The following MCM10 variants were observed in gnomAD, a reference collection of about 807,000 sequenced individuals.
MCM10 encodes the protein minichromosome maintenance 10 replication initiation factor, also known as protein MCM10 homolog.
A neutral mutation model predicts 109.9 loss-of-function variants in MCM10; 91 were observed. The ratio of observed to expected loss-of-function variants is 0.83; its 90% confidence interval spans 0.70 to 0.99. MCM10 has a LOEUF of 0.99. Among genes scored for constraint, MCM10 ranks in the 50% least tolerant of loss-of-function variants. The probability of loss-of-function intolerance (pLI) is 0.00; values close to 1 mark genes in which losing one functional copy is unlikely to be tolerated. For synonymous variants in MCM10, 380 were observed against 387.2 expected (o/e 0.98, Z 0.22); for missense variants, 1,077 against 1,061.2 (o/e 1.01, Z -0.21).
At chr10:13,192,696 A>C in intron 13 of MCM10, 128 bp downstream of exon 13, 1 of 792,792 alleles carries the variant, frequency 1.3e-6, no homozygotes, top group Non-Finnish European at 2.0e-6. Flanking sequence ...GAAAGTTTAA[A>C]ATAGTTTTCC....
chr10:13,209,329 TC>T lies in MCM10; in HGVS notation c.*22del. 1 of 1,592,476 alleles carries T rather than the reference TC, an allele frequency of 6.3e-7. No homozygotes were observed. The highest frequency in any genetic ancestry group is 8.6e-7 in the Non-Finnish European group (1 of 1,161,684). ...TAAATAACCCGAACTTCAGACATTTTCCCACAGACTTCCTGGCCTCCTGTGA... is the reference window on the plus strand; with the variant it reads ...TAAATAACCCGAACTTCAGACATTTTCCACAGACTTCCTGGCCTCCTGTGA... On this transcript the variant is annotated 3_prime_UTR_variant, in exon 20 of 20. Coordinates refer to ENST00000378714, the MANE Select transcript of MCM10 (RefSeq NM_018518.5).
At chr10:13,191,068 C>A (rs1834340956) in intron 10 of MCM10, among the ~76,000 whole-genome samples, 1 of 152,050 alleles carries the variant, frequency 6.6e-6, no homozygotes, top group South Asian at 2.1e-4. Flanking sequence ...GCCAAATTTC[C>A]TTCCAGAATG....
At chr10:13,206,576 T>G (rs1834583843) in intron 18 of MCM10, among the ~76,000 whole-genome samples, 1 of 152,194 alleles carries the variant, frequency 6.6e-6, no homozygotes, top group Non-Finnish European at 1.5e-5. Flanking sequence ...CAATCTAGAT[T>G]ATAATTTTTA....
intron 1 of MCM10, among the ~76,000 whole-genome samples, chr10:13,163,592 A>AGTGT (rs60683966): frequency 0.21 from 31,266 of 152,138 alleles, 3,406 homozygotes; most frequent in South Asian, 0.26. Context: ...ACCTAAGTAG[A>AGTGT]ATCATACAGT....
rs1834218856 is a variant in MCM10, at chr10:13,182,292, A to C, written c.931-641A>C. On this transcript the variant is annotated intron_variant, in intron 7 of 19. Coordinates refer to ENST00000378714, the MANE Select transcript of MCM10 (RefSeq NM_018518.5). The surrounding 1 kb of genome is among the most constrained non-coding windows in gnomAD (Gnocchi z 4.2). ...AATTCATGACCAGTCTGGGCAACAT[A>C]GTGAGACCTCATCTCTATGAAAAGA... Among the ~76,000 whole-genome samples the C allele has an allele frequency of 6.6e-6, 1 of 151,932 alleles. No homozygotes were observed. The highest frequency in any genetic ancestry group is 1.5e-5 in the Non-Finnish European group (1 of 67,992).
intron 9 of MCM10, among the ~76,000 whole-genome samples, chr10:13,187,671 ACTT>A (rs1188019339): frequency 6.6e-6 from 1 of 152,156 alleles, no homozygotes; most frequent in Non-Finnish European, 1.5e-5. Context: ...GTGAAGAGGT[ACTT>A]CTTAGAGTTC....
chr10:13,183,710 A>G (rs1356264329), intron 8 of MCM10, among the ~76,000 whole-genome samples: 1 of 150,644 alleles, frequency 6.6e-6, no homozygotes, highest in African/African-American at 2.4e-5. Flanking sequence ...TTTGAAAGTG[A>G]GTCTTGCTCT....
At chr10:13,191,451 C>T (rs746428069) in intron 11 of MCM10, 52 bp downstream of exon 11, 3 of 1,463,808 alleles carry the variant, frequency 2.0e-6, no homozygotes, top group Non-Finnish European at 2.9e-6. Flanking sequence ...ATTATGCAGC[C>T]TTAGGGATAA....
At chr10:13,206,198 C>T (rs773725241) in intron 18 of MCM10, among the ~76,000 whole-genome samples, 77 of 152,154 alleles carry the variant, frequency 5.1e-4, no homozygotes, top group Non-Finnish European at 8.1e-4. Flanking sequence ...GTTTCTCACT[C>T]GGCTCTGTGT....
intron 2 of MCM10, among the ~76,000 whole-genome samples, chr10:13,168,362 T>C (rs939928593): frequency 7.9e-5 from 12 of 152,248 alleles, no homozygotes; most frequent in African/African-American, 1.2e-4. Context: ...GTTTGGCTAC[T>C]GGCTTTTTCC....
chr10:13,170,807 C>A, intron 2 of MCM10, 115 bp from the exon 3 acceptor site: 1 of 773,752 alleles, frequency 1.3e-6, no homozygotes, highest in Admixed American at 2.7e-5. Flanking sequence ...AGGTAATGAG[C>A]ATTGTACCCA....
chr10:13,172,506 C>A lies in MCM10; in HGVS notation c.454+26C>A, dbSNP rs138488957. The A allele has an allele frequency of 6.9e-6, 11 of 1,605,722 alleles. No individual in the cohort carries two copies. In the Admixed American group the frequency reaches 8.4e-5, roughly 12 times the overall value. On this transcript the variant is annotated intron_variant, in intron 4 of 19. Transcript: ENST00000378714. The surrounding 1 kb of genome is among the most constrained non-coding windows in gnomAD (Gnocchi z 5.2). ...GTAAGAAGACTGTCATTCTGGCAAT[C>A]GTGTGCATTTATTTTATTAGAAATT...
At chr10:13,184,485 T>C (rs1457698858) in intron 8 of MCM10, among the ~76,000 whole-genome samples, 1 of 152,200 alleles carries the variant, frequency 6.6e-6, no homozygotes, top group African/African-American at 2.4e-5. Flanking sequence ...ACAGTGTGAA[T>C]AGCAACTGGC....
chr10:13,198,390 AT>A (rs969463754), intron 15 of MCM10, among the ~76,000 whole-genome samples: 7 of 152,212 alleles, frequency 4.6e-5, no homozygotes, highest in African/African-American at 1.7e-4. Flanking sequence ...TGGCAATATC[AT>A]TTTAACATAA....
intron 2 of MCM10, among the ~76,000 whole-genome samples, chr10:13,167,032 G>A (rs968624043): frequency 5.9e-5 from 9 of 151,984 alleles, no homozygotes; most frequent in Admixed American, 2.6e-4. Flanking sequence ...CCTGCTGCTT[G>A]GGAGGCTAAG....
intron 11 of MCM10, 26 bp downstream of exon 11, chr10:13,191,425 T>G (rs1307386947): frequency 1.9e-6 from 3 of 1,583,216 alleles, no homozygotes; most frequent in Non-Finnish European, 2.6e-6. Flanking sequence ...CATAAGAAAT[T>G]TCTTTCTCCA....
chr10:13,188,778 C>T (rs1342169906), intron 9 of MCM10, 103 bp from the exon 10 acceptor site: 12 of 987,440 alleles, frequency 1.2e-5, no homozygotes, highest in Non-Finnish European at 1.9e-5. Context: ...GAGGACTCTG[C>T]ATGCGTCATG....
At chr10:13,165,814 G>T (rs1349707607) in intron 2 of MCM10, among the ~76,000 whole-genome samples, 2 of 147,302 alleles carry the variant, frequency 1.4e-5, no homozygotes, top group African/African-American at 2.5e-5. Flanking sequence ...GGCAGAGGTT[G>T]CATTGCATCG....
chr10:13,171,440 T>C (rs2131558542), intron 3 of MCM10, among the ~76,000 whole-genome samples, 177 bp downstream of exon 3: 1 of 152,326 alleles, frequency 6.6e-6, no homozygotes, highest in South Asian at 2.1e-4. Context: ...GGGCCAGCAT[T>C]TCAGCACAAA....
Sources: allele counts gnomAD v4.1 joint callset (sites outside exome capture counted in the v4.1 genomes callset), GRCh38; gene constraint gnomAD v4.1.1; non-coding constraint Gnocchi (gnomAD v3.1); transcripts MANE v1.5; gene names NCBI Gene and HGNC (gene_info 2026-07-23, HGNC 2026-07-21).